The following NEMF variants were observed in gnomAD, a reference collection of about 807,000 sequenced individuals.
The protein encoded by NEMF is ribosome quality control complex subunit NEMF.
NEMF carries 89 observed loss-of-function variants against 162.2 expected under a neutral mutation model. The ratio of observed to expected loss-of-function variants is 0.55; its 90% CI spans 0.46 to 0.65. The LOEUF is 0.65. NEMF is among the 30% of genes least tolerant of loss of function. The pLI is 0.00. For missense variants in NEMF, 1,133 were observed against 1,261.9 expected, an observed-to-expected ratio of 0.90 and a Z score of 1.55; for synonymous variants, 421 against 404.5, an observed-to-expected ratio of 1.04 and a Z score of -0.49.
chr14:49,829,795 G>C (rs1892549961), intron 11 of NEMF, among the ~76,000 whole-genome samples: 2 of 151,998 alleles, frequency 1.3e-5, no homozygotes, highest in Admixed American at 6.6e-5. Context: ...AAATAATAGA[G>C]ACCGGGTCCC....
At chr14:49,835,339 C>G (rs1338029740) in intron 6 of NEMF, among the ~76,000 whole-genome samples, 1 of 151,992 alleles carries the variant, frequency 6.6e-6, no homozygotes, top group African/African-American at 2.4e-5. Flanking sequence ...AGGATTTATC[C>G]CTGGAATGCA....
At chr14:49,805,916 GT>G in intron 19 of NEMF, 104 bp downstream of exon 19, 1 of 579,336 alleles carries the variant, frequency 1.7e-6, no homozygotes. Context: ...ACCAAAAAGA[GT>G]TAGCTCTATT....
chr14:49,821,693 C>G (rs1299606995), intron 16 of NEMF, among the ~76,000 whole-genome samples: 1 of 133,954 alleles, frequency 7.5e-6, no homozygotes, highest in Non-Finnish European at 1.6e-5. Context: ...GTGGGGGGCT[C>G]AGCCCCCCGC....
chr14:49,809,434 G>A (rs769354550), intron 18 of NEMF, among the ~76,000 whole-genome samples: 3 of 152,290 alleles, frequency 2.0e-5, no homozygotes, highest in Admixed American at 2.0e-4. Context: ...TGGTTGTCGG[G>A]GGTTGGGGGA....
intron 5 of NEMF, among the ~76,000 whole-genome samples, chr14:49,838,958 G>A (rs1201372674): frequency 6.6e-6 from 1 of 151,858 alleles, no homozygotes; most frequent in African/African-American, 2.4e-5. Flanking sequence ...CTGAGAACTA[G>A]TTAGAAATGC....
chr14:49,851,254 C>G (rs960956817), intron 3 of NEMF, among the ~76,000 whole-genome samples: 8 of 152,120 alleles, frequency 5.3e-5, no homozygotes, highest in Admixed American at 5.2e-4. Flanking sequence ...TAACGTTGGT[C>G]TAATTTAGAA....
At chr14:49,784,834 G>T in intron 32 of NEMF, 91 bp downstream of exon 32, 2 of 1,402,896 alleles carry the variant, frequency 1.4e-6, no homozygotes, top group African/African-American at 1.4e-5. Flanking sequence ...CTTCTAATAA[G>T]ACAGCATTTT....
intron 3 of NEMF, among the ~76,000 whole-genome samples, chr14:49,847,816 G>A (rs1893583091): frequency 6.6e-6 from 1 of 150,800 alleles, no homozygotes; most frequent in Non-Finnish European, 1.5e-5. Flanking sequence ...TGGATCACTT[G>A]AGGTCAGGAG....
intron 18 of NEMF, among the ~76,000 whole-genome samples, chr14:49,809,320 A>G (rs948267223): frequency 6.6e-6 from 1 of 152,218 alleles, no homozygotes; most frequent in Non-Finnish European, 1.5e-5. Flanking sequence ...AGACAACTGA[A>G]TATTATTCAG....
intron 28 of NEMF, among the ~76,000 whole-genome samples, chr14:49,788,276 C>CAAAA (rs35896786): frequency 0.79 from 62,222 of 78,902 alleles, 25,022 homozygotes; most frequent in South Asian, 0.92. Context: ...AAGACTGCCT[C>CAAAA]AAAAAAAAAA....
chr14:49,841,250 A>C (rs1594801820), intron 4 of NEMF, among the ~76,000 whole-genome samples: 1 of 150,968 alleles, frequency 6.6e-6, no homozygotes, highest in Non-Finnish European at 1.5e-5. Flanking sequence ...ACAGAAAAAA[A>C]CAAAGCAAAT....
At position 49,832,169 on chromosome 14, in the gene NEMF, A is replaced by G. The variant is rs114691770; in HGVS notation, c.806+38T>C. Reference sequence around the variant, plus strand: ...TATATCACATTCGAGAACATTAACAAACATCCAAAGCAAATTGACCCATGC... The same window carrying G: ...TATATCACATTCGAGAACATTAACAGACATCCAAAGCAAATTGACCCATGC... On this transcript the variant is annotated intron_variant, in intron 9 of 32. Transcript: ENST00000298310. 6,397 of 1,598,116 alleles carry G rather than the reference A, an allele frequency of 4.0e-3. 166 individuals carry two copies. The African/African-American group carries it at 0.067, about 17-fold the overall frequency.
intron 17 of NEMF, 50 bp downstream of exon 17, chr14:49,814,704 C>A: frequency 1.0e-6 from 1 of 963,458 alleles, no homozygotes; most frequent in Non-Finnish European, 1.6e-6. Flanking sequence ...ATTGAGATAA[C>A]TGATCCAAAC....
In NEMF at chr14:49,795,685, C is replaced by T. The variant is rs953833634; in HGVS notation, c.2619+106G>A. 5.0e-5 allele frequency: 51 copies of T among 1,024,430 alleles called. No homozygotes were observed. In the African/African-American group the frequency reaches 7.0e-4, roughly 14 times the overall value. 63.5% of individuals were successfully genotyped at this position (1,024,430 alleles called of 1,614,324 possible). A position where few individuals can be genotyped will look rare whatever the true frequency, so the allele number is the denominator to read the frequency against. ...TAATTTTTAGTCAAAGGAAATCACA[C>T]AGGATTATTTTTTGGCCTACATTTT... On this transcript the variant is annotated intron_variant, in intron 26 of 32. Transcript: ENST00000298310.
intron 25 of NEMF, among the ~76,000 whole-genome samples, chr14:49,797,881 C>G (rs1032892095): frequency 6.6e-6 from 1 of 152,208 alleles, no homozygotes; most frequent in Admixed American, 6.5e-5. Context: ...GCCACGGCTA[C>G]CATCTGTGCA....
intron 18 of NEMF, among the ~76,000 whole-genome samples, chr14:49,811,650 C>A (rs1415189624): frequency 6.6e-6 from 1 of 152,124 alleles, no homozygotes; most frequent in Non-Finnish European, 1.5e-5. Context: ...GTTTTTATCA[C>A]AAACAAATGT....
At chr14:49,832,853 A>G (rs1285750534) in intron 8 of NEMF, among the ~76,000 whole-genome samples, 3 of 152,216 alleles carry the variant, frequency 2.0e-5, no homozygotes, top group Admixed American at 6.5e-5. Flanking sequence ...TCTATCTGAA[A>G]CTAAAGAAAT....
intron 25 of NEMF, chr14:49,797,332 TAAA>T (rs749900237): frequency 2.9e-5 from 4 of 139,180 alleles, no homozygotes; most frequent in East Asian, 2.1e-4. Context: ...GACCTGCTAT[TAAA>T]AAAAAAAAAA....
chr14:49,782,732 T>A lies in NEMF; in HGVS notation c.*1904A>T. ...TATAACCAGTTCCTATGAAAATCTT[T>A]GAAGAAAGAAAGAGGGATGTTTTAT... On this transcript the variant is annotated 3_prime_UTR_variant, in exon 33 of 33. Transcript: ENST00000298310. 6.9e-7 allele frequency: 1 copy of A among 1,454,386 alleles called. No individual in the cohort carries two copies. The highest frequency in any genetic ancestry group is 9.4e-7 in the Non-Finnish European group (1 of 1,068,744). The allele number at this position is 1,454,386 out of a possible 1,614,324, so 90.1% of individuals were successfully genotyped here. A position where few individuals can be genotyped will look rare whatever the true frequency, so the allele number is the denominator to read the frequency against.
Sources: gnomAD v4.1 joint callset for allele counts (sites outside exome capture counted in the v4.1 genomes callset) on GRCh38, gnomAD v4.1.1 for gene constraint, MANE v1.5 for transcripts, NCBI Gene and HGNC (gene_info 2026-07-23, HGNC 2026-07-21) for gene names.